WNK2: variants seen among roughly 807,000 people sequenced by gnomAD.
WNK2 encodes the protein WNK lysine deficient protein kinase 2.
Under a neutral mutation model 192.1 loss-of-function variants are expected in WNK2, and 67 were observed. The observed-to-expected ratio is 0.35, with a 90% CI of 0.29 to 0.43. The LOEUF is 0.43. Ranked by LOEUF, WNK2 falls within the 20% of genes least tolerant of loss-of-function variation. The pLI is 1.00. For missense variants in WNK2, 2,698 were observed against 3,089.7 expected (o/e 0.87, Z 3.01); for synonymous variants, 1,439 against 1,393.9 (o/e 1.03, Z -0.72).
At chr9:93,290,526 G>T (rs1478820286) in intron 21 of WNK2, among the ~76,000 whole-genome samples, 1 of 152,208 alleles carries the variant, frequency 6.6e-6, no homozygotes, top group Non-Finnish European at 1.5e-5. Context: ...GTCCTCTGGG[G>T]AAATGGATAA....
At chr9:93,290,742 C>T (rs1374621367) in intron 21 of WNK2, among the ~76,000 whole-genome samples, 6 of 152,332 alleles carry the variant, frequency 3.9e-5, no homozygotes, top group East Asian at 3.9e-4. Context: ...CTGCTGGGAG[C>T]GCCAGGTACC....
chr9:93,243,688 G>C (rs1324113746), intron 7 of WNK2, among the ~76,000 whole-genome samples: 25 of 152,202 alleles, frequency 1.6e-4, no homozygotes, highest in Admixed American at 1.6e-3. Flanking sequence ...GGAACAGCTT[G>C]TGTGCCCCGG....
chr9:93,192,107 A>G (rs1830434484), intron 2 of WNK2, among the ~76,000 whole-genome samples: 1 of 151,768 alleles, frequency 6.6e-6, no homozygotes, highest in Non-Finnish European at 1.5e-5. Context: ...CGAGGTCAAG[A>G]GATTGAGGCC....
intron 2 of WNK2, among the ~76,000 whole-genome samples, chr9:93,197,149 T>G (rs1831414888): frequency 6.6e-6 from 1 of 152,256 alleles, no homozygotes; most frequent in Admixed American, 6.5e-5. Context: ...GAGTTACCAG[T>G]TGTTAGTGTT....
At chr9:93,238,131 C>T (rs753029406) in intron 5 of WNK2, 102 bp from the exon 6 acceptor site, 17 of 993,514 alleles carry the variant, frequency 1.7e-5, no homozygotes, top group Admixed American at 9.3e-5. Flanking sequence ...GTCCAGTGCC[C>T]GTGTCCTGCC....
chr9:93,201,978 G>A (rs1832448717), intron 2 of WNK2, among the ~76,000 whole-genome samples: 1 of 152,350 alleles, frequency 6.6e-6, no homozygotes, highest in South Asian at 2.1e-4. Context: ...CTAAGCAGAG[G>A]CAGCTGCCAA....
chr9:93,203,007 G>A (rs971924708), intron 2 of WNK2, among the ~76,000 whole-genome samples: 2 of 151,994 alleles, frequency 1.3e-5, no homozygotes, highest in South Asian at 4.2e-4. Context: ...GGCCCTCTGA[G>A]GTCTGTGTCC....
intron 9 of WNK2, 65 bp from the exon 10 acceptor site, chr9:93,256,234 C>G (rs925841196): frequency 1.4e-6 from 2 of 1,421,332 alleles, no homozygotes; most frequent in Admixed American, 2.6e-5. Context: ...CTACCCTGCC[C>G]CTGCCCAGGA....
At chr9:93,246,947 C>T (rs957192860) in intron 7 of WNK2, among the ~76,000 whole-genome samples, 2 of 152,372 alleles carry the variant, frequency 1.3e-5, no homozygotes, top group Non-Finnish European at 2.9e-5. Context: ...CGTGAATATT[C>T]TTGGCGAGCT....
At chr9:93,191,445 CAG>C (rs2130986902) in intron 2 of WNK2, among the ~76,000 whole-genome samples, 1 of 152,108 alleles carries the variant, frequency 6.6e-6, no homozygotes, top group East Asian at 1.9e-4. Context: ...CCCTGGGAGA[CAG>C]AGCCTGTGAG....
intron 1 of WNK2, 36 bp from the exon 2 acceptor site, chr9:93,184,892 G>T: frequency 8.2e-7 from 1 of 1,220,362 alleles, no homozygotes; most frequent in South Asian, 4.1e-5. Context: ...CGGCAGGGCC[G>T]GCGCTCACGC....
At chr9:93,287,510 G>A (rs774113350) in intron 19 of WNK2, among the ~76,000 whole-genome samples, 12 of 152,204 alleles carry the variant, frequency 7.9e-5, no homozygotes, top group Non-Finnish European at 1.6e-4. Flanking sequence ...AGGCACCACA[G>A]AATAGAGTAC....
intron 7 of WNK2, among the ~76,000 whole-genome samples, chr9:93,243,374 A>T (rs569289270): frequency 6.6e-6 from 1 of 152,194 alleles, no homozygotes; most frequent in Non-Finnish European, 1.5e-5. Context: ...CCATCACCAC[A>T]CAAGTCCCCG....
chr9:93,276,910 C>T (rs1341317648), intron 19 of WNK2, among the ~76,000 whole-genome samples: 3 of 152,078 alleles, frequency 2.0e-5, no homozygotes, highest in Non-Finnish European at 4.4e-5. Context: ...GTGGCGGGCA[C>T]CTGTAATCCC....
chr9:93,280,959 A>C (rs1475148124), intron 19 of WNK2, among the ~76,000 whole-genome samples: 1 of 152,238 alleles, frequency 6.6e-6, no homozygotes, highest in Non-Finnish European at 1.5e-5. Flanking sequence ...ATTATGCTGA[A>C]TGAAAAGACA....
chr9:93,317,871 A>G (rs773396391), intron 29 of WNK2: 123 of 1,561,066 alleles, frequency 7.9e-5, no homozygotes, highest in Non-Finnish European at 1.0e-4. Context: ...GTCCCTTGCC[A>G]GATGGCGCCC....
At chr9:93,293,245 C>T in intron 23 of WNK2, 72 bp downstream of exon 23, 1 of 1,366,028 alleles carries the variant, frequency 7.3e-7, no homozygotes, top group Non-Finnish European at 9.5e-7. Context: ...GTGAGGGAAC[C>T]CTGGTGCCGG....
intron 4 of WNK2, among the ~76,000 whole-genome samples, chr9:93,233,566 C>T (rs967696720): frequency 1.3e-5 from 2 of 151,480 alleles, no homozygotes; most frequent in Non-Finnish European, 2.9e-5. Flanking sequence ...GGCATGGCGG[C>T]AGACGCCTGT....
Position 93,289,985 on chromosome 9 carries a change from A to G in WNK2, c.4874A>G (p.Lys1625Arg), listed in dbSNP as rs1360880790. 6.4e-7 allele frequency: 1 copy of G among 1,572,902 alleles called. No homozygotes were observed. The highest frequency in any genetic ancestry group is 2.3e-5 in the East Asian group (1 of 42,898). ...TTGTGTTTCTTTCTCCAGGTGGAGA[A>G]GTCAGAACTGGCCCCCACTCGAGGG... ...RVQLPQPLVE[K>R]SELAPTRGAV... is the part of the protein sequence containing the mutation. Residue 1625 changes from lysine (K) to arginine (R), a missense_variant, in exon 21 of 30, where the codon AAG (lysine) becomes AGG (arginine). Around this residue, in one of 7 missense-constraint regions of WNK2, gnomAD observed 1,098 missense variants for 1,101.0 expected, o/e 1.00. Transcript: ENST00000427277.
Sources: allele counts gnomAD v4.1 joint callset (sites outside exome capture counted in the v4.1 genomes callset), GRCh38; gene constraint gnomAD v4.1.1; regional missense constraint gnomAD v4.1.1; transcripts MANE v1.5; gene names NCBI Gene and HGNC (gene_info 2026-07-23, HGNC 2026-07-21).